The following AGBL4 variants were observed in gnomAD, a reference collection of about 807,000 sequenced individuals.
The protein encoded by AGBL4 is cytosolic carboxypeptidase 6.
AGBL4 carries 58 observed loss-of-function variants against 66.4 expected under a neutral mutation model. That is an observed-to-expected ratio of 0.87 (90% CI 0.71 to 1.09). The LOEUF is 1.09. AGBL4 is among the 50% of genes least tolerant of loss of function. AGBL4 has a pLI of 0.00. For synonymous variants in AGBL4, 234 were observed against 222.9 expected (o/e 1.05, Z -0.44); for missense variants, 579 against 631.0 (o/e 0.92, Z 0.88).
At chr1:48,604,596 T>C (rs993102516) in intron 9 of AGBL4, among the ~76,000 whole-genome samples, 3 of 152,034 alleles carry the variant, frequency 2.0e-5, no homozygotes, top group Non-Finnish European at 2.9e-5. Context: ...TTTGTTAGGA[T>C]ACAGAATCAA....
intron 6 of AGBL4, among the ~76,000 whole-genome samples, chr1:48,822,100 CTG>C (rs894253409): frequency 6.6e-5 from 10 of 152,108 alleles, no homozygotes; most frequent in African/African-American, 2.4e-4. Flanking sequence ...TTGGACAAAA[CTG>C]GGAGGAGTTA....
At chr1:49,307,636 A>G (rs1419249973) in intron 3 of AGBL4, among the ~76,000 whole-genome samples, 1 of 152,168 alleles carries the variant, frequency 6.6e-6, no homozygotes, top group African/African-American at 2.4e-5. Flanking sequence ...AACTAGCCTA[A>G]CAATGCCCTA....
intron 1 of AGBL4, among the ~76,000 whole-genome samples, chr1:49,871,023 C>A (rs910376191): frequency 6.6e-6 from 1 of 151,962 alleles, no homozygotes; most frequent in African/African-American, 2.4e-5. Context: ...CTATTCAACC[C>A]CACTAGGCCC....
rs570938468 is a variant in AGBL4 at position 49,828,091 on chromosome 1, C to T, written c.157+23305G>A. ...TTCATTAGATTCTTATGAACAGATG[C>T]CTGTTACCTAACAAAGGCTAATAAC... On this transcript the variant is annotated intron_variant, in intron 2 of 13. Coordinates refer to ENST00000371839, the MANE Select transcript of AGBL4 (RefSeq NM_032785.4). 8.6e-5 allele frequency among the ~76,000 whole-genome samples: 13 copies of T among 152,026 alleles called. No homozygotes were observed. In the East Asian group the frequency reaches 2.3e-3, roughly 27 times the overall value.
In AGBL4 at chr1:49,882,811, C is replaced by T. The variant is rs574049389; in HGVS notation, c.35-31293G>A. Among the ~76,000 whole-genome samples, 8 of 152,158 alleles carry T rather than the reference C, an allele frequency of 5.3e-5. No homozygotes were observed. In the South Asian group the frequency reaches 1.2e-3, roughly 24 times the overall value. The stretch of plus-strand genomic sequence containing the variant: ...AGTGGTTATCAATGTAAGCAGTTTG[C>T]ATTTTAGAAATTTGTTGAGGCATTG... On this transcript the variant is annotated intron_variant, in intron 1 of 13. Transcript: ENST00000371839.
intron 3 of AGBL4, among the ~76,000 whole-genome samples, chr1:49,432,219 T>C (rs1278824980): frequency 1.3e-5 from 2 of 152,184 alleles, no homozygotes; most frequent in African/African-American, 4.8e-5. Flanking sequence ...ACCTTAATTA[T>C]AGATTAAAAG....
At chr1:48,980,311 A>G (rs3118214) in intron 5 of AGBL4, among the ~76,000 whole-genome samples, 80,833 of 151,794 alleles carry the variant, frequency 0.53, 21,839 homozygotes, top group Non-Finnish European at 0.58. Flanking sequence ...CTGAATGAAC[A>G]CCTCCCTCAG....
intron 9 of AGBL4, among the ~76,000 whole-genome samples, chr1:48,622,320 T>C (rs1378063917): frequency 6.6e-6 from 1 of 152,102 alleles, no homozygotes; most frequent in African/African-American, 2.4e-5. Context: ...CTAAGTCCAG[T>C]TCAGATGACC....
At chr1:48,609,188 T>C (rs1645199018) in intron 9 of AGBL4, among the ~76,000 whole-genome samples, 1 of 152,126 alleles carries the variant, frequency 6.6e-6, no homozygotes, top group South Asian at 2.1e-4. Context: ...CTCTTCTCAT[T>C]CAATCCATCC....
At chr1:49,839,576 C>G (rs1332201480) in intron 2 of AGBL4, among the ~76,000 whole-genome samples, 5 of 152,112 alleles carry the variant, frequency 3.3e-5, no homozygotes, top group Non-Finnish European at 7.4e-5. Context: ...GGAGCCATGA[C>G]AGATTTTGAG....
At chr1:49,280,175 C>G (rs1045750409) in intron 3 of AGBL4, among the ~76,000 whole-genome samples, 5 of 152,090 alleles carry the variant, frequency 3.3e-5, no homozygotes, top group Admixed American at 6.5e-5. Flanking sequence ...TTCCCACACC[C>G]CTATGATTGC....
At chr1:49,237,119 T>G (rs936395385) in intron 4 of AGBL4, among the ~76,000 whole-genome samples, 2 of 151,280 alleles carry the variant, frequency 1.3e-5, no homozygotes, top group African/African-American at 4.9e-5. Flanking sequence ...AAAAATTAGC[T>G]GGACATGGTG....
chr1:49,866,283 G>T (rs1646698886), intron 1 of AGBL4, among the ~76,000 whole-genome samples: 2 of 152,014 alleles, frequency 1.3e-5, no homozygotes, highest in South Asian at 4.2e-4. Context: ...TCCATGAGAA[G>T]ATCAATCCCA....
chr1:48,864,061 C>T (rs549216187), intron 6 of AGBL4, among the ~76,000 whole-genome samples: 1 of 152,022 alleles, frequency 6.6e-6, no homozygotes, highest in South Asian at 2.1e-4. Context: ...TGACACAGTA[C>T]TGATACTCAG....
intron 4 of AGBL4, among the ~76,000 whole-genome samples, chr1:49,176,061 G>A (rs2148175454): frequency 6.6e-6 from 1 of 152,186 alleles, no homozygotes; most frequent in East Asian, 1.9e-4. Flanking sequence ...GAAAACGATA[G>A]ACTTGTTTTT....
At chr1:49,161,122 G>C (rs1480906417) in intron 4 of AGBL4, among the ~76,000 whole-genome samples, 1 of 152,136 alleles carries the variant, frequency 6.6e-6, no homozygotes, top group Non-Finnish European at 1.5e-5. Context: ...CCTGTAGCTA[G>C]TTTGATGTTT....
chr1:49,306,234 T>C (rs139301999), intron 3 of AGBL4, among the ~76,000 whole-genome samples: 676 of 152,320 alleles, frequency 4.4e-3, no homozygotes, highest in Middle Eastern at 0.01. Flanking sequence ...GGGCCTGTTG[T>C]TTCCAAGATA....
intron 5 of AGBL4, among the ~76,000 whole-genome samples, chr1:48,987,535 T>C (rs1464241999): frequency 6.6e-6 from 1 of 152,048 alleles, no homozygotes. Flanking sequence ...ATTGATAGAA[T>C]TGAACAAATC....
At chr1:49,680,029 TTTCTTC>T (rs1053258883) in intron 3 of AGBL4, among the ~76,000 whole-genome samples, 2 of 151,360 alleles carry the variant, frequency 1.3e-5, no homozygotes, top group African/African-American at 2.4e-5. Flanking sequence ...GTTCCAAGAT[TTTCTTC>T]TTCTTCTTCT....
Sources: gnomAD v4.1 joint callset for allele counts (sites outside exome capture counted in the v4.1 genomes callset) on GRCh38, gnomAD v4.1.1 for gene constraint, MANE v1.5 for transcripts, NCBI Gene and HGNC (gene_info 2026-07-23, HGNC 2026-07-21) for gene names.